BRAF: variants seen among roughly 807,000 people sequenced by gnomAD.
BRAF encodes B-Raf proto-oncogene, serine/threonine kinase, also known as serine/threonine-protein kinase B-raf.
A neutral mutation model predicts 104.6 loss-of-function variants in BRAF; 16 were observed. That is an observed-to-expected ratio of 0.15 (90% CI 0.10 to 0.23). The LOEUF (loss-of-function observed/expected upper bound fraction) is 0.23, where lower values mean the gene tolerates loss of function less well. Ranked by LOEUF, BRAF falls within the 10% of genes least tolerant of loss-of-function variation. The probability of loss-of-function intolerance (pLI) is 1.00; values close to 1 mark genes in which losing one functional copy is unlikely to be tolerated. For missense variants in BRAF, 541 were observed against 937.3 expected (o/e 0.58, Z 5.52); for synonymous variants, 310 against 341.6 (o/e 0.91, Z 1.02).
intron 11 of BRAF, 50 bp from the exon 11 acceptor site, chr7:140,781,743 A>T (rs1392319313): frequency 6.8e-7 from 1 of 1,462,068 alleles, no homozygotes; most frequent in Non-Finnish European, 9.6e-7. Context: ...GAAAAAGAAA[A>T]CCTTATGTTT....
chr7:140,787,998 A>G (rs1195963563), intron 8 of BRAF, among the ~76,000 whole-genome samples: 1 of 152,170 alleles, frequency 6.6e-6, no homozygotes, highest in Non-Finnish European at 1.5e-5. Context: ...TGGATGGTAA[A>G]AGGAGGAAGA....
chr7:140,833,003 A>G (rs528833131), intron 3 of BRAF, among the ~76,000 whole-genome samples: 1 of 151,478 alleles, frequency 6.6e-6, no homozygotes, highest in East Asian at 2.0e-4. Flanking sequence ...CCTCCAAATT[A>G]GCTGGGACTA....
intron 14 of BRAF, among the ~76,000 whole-genome samples, chr7:140,768,772 CA>C (rs1799569186): frequency 6.6e-6 from 1 of 152,110 alleles, no homozygotes; most frequent in Non-Finnish European, 1.5e-5. Context: ...GCTAGTAGTA[CA>C]GGCATGAGCC....
chr7:140,734,944 A>G (rs1796289874), intron 18 of BRAF, among the ~76,000 whole-genome samples, 174 bp from the exon 18 acceptor site: 1 of 152,156 alleles, frequency 6.6e-6, no homozygotes. Flanking sequence ...CAGCATTGTC[A>G]TAAATGCTTG....
intron 1 of BRAF, among the ~76,000 whole-genome samples, chr7:140,857,414 C>A (rs1339360295): frequency 6.6e-6 from 1 of 152,122 alleles, no homozygotes; most frequent in Non-Finnish European, 1.5e-5. Context: ...GGATTTCCGA[C>A]CTCCAGAAAT....
chr7:140,807,910 TA>T (rs751924830), intron 5 of BRAF, 49 bp downstream of exon 5: 1 of 1,456,516 alleles, frequency 6.9e-7, no homozygotes, highest in Non-Finnish European at 9.6e-7. Flanking sequence ...ATTCATTCAT[TA>T]AAATCTAAAC....
At chr7:140,879,222 G>A (rs2129101618) in intron 1 of BRAF, among the ~76,000 whole-genome samples, 1 of 150,942 alleles carries the variant, frequency 6.6e-6, no homozygotes, top group African/African-American at 2.4e-5. Flanking sequence ...TTGCTCTGTT[G>A]CCAGGCTGGA....
chr7:140,909,175 C>T (rs1452316540), intron 1 of BRAF, among the ~76,000 whole-genome samples: 1 of 152,116 alleles, frequency 6.6e-6, no homozygotes, highest in African/African-American at 2.4e-5. Flanking sequence ...CCTGTAATCC[C>T]AGCACTTTGG....
At chr7:140,911,471 G>A (rs1029748450) in intron 1 of BRAF, among the ~76,000 whole-genome samples, 1 of 152,168 alleles carries the variant, frequency 6.6e-6, no homozygotes, top group African/African-American at 2.4e-5. Flanking sequence ...GATATAGTGA[G>A]TAAAACAAGG....
chr7:140,717,354 C>T (rs1795153175), downstream of BRAF, among the ~76,000 whole-genome samples: 1 of 151,938 alleles, frequency 6.6e-6, no homozygotes, highest in Non-Finnish European at 1.5e-5. Context: ...AATCACAGCT[C>T]ACTGCAGCCT....
chr7:140,833,990 T>C (rs565259851), intron 3 of BRAF: 2 of 152,372 alleles, frequency 1.3e-5, no homozygotes, highest in Admixed American at 6.5e-5. Context: ...GGAATTTTTA[T>C]TGTCAAAAGT....
At chr7:140,919,318 T>C (rs1216882818) in intron 1 of BRAF, among the ~76,000 whole-genome samples, 3 of 152,156 alleles carry the variant, frequency 2.0e-5, no homozygotes, top group African/African-American at 7.2e-5. Context: ...TATCCGATGT[T>C]ACAGAGCTTC....
Position 140,720,357 on chromosome 7 carries a change from AG to A in BRAF, c.*6136del. 11 of 1,062,538 alleles carry A rather than the reference AG, an allele frequency of 1.0e-5. No individual in the cohort carries two copies. Among genetic ancestry groups the A allele is most frequent in the Non-Finnish European group, 1.3e-5 (11 of 877,560 alleles). 65.8% of individuals were successfully genotyped at this position (1,062,538 alleles called of 1,614,324 possible). A position where few individuals can be genotyped will look rare whatever the true frequency, so the allele number is the denominator to read the frequency against. On this transcript the variant is annotated 3_prime_UTR_variant, in exon 20 of 20. Coordinates refer to ENST00000644969, the MANE Select transcript of BRAF (RefSeq NM_001374258.1). The stretch of plus-strand genomic sequence containing the variant: ...GGATGCATTTTAAAATGAAGGCAGG[AG>A]AAGGGGACAGCACAGAGACATACAC...
Position 140,720,675 on chromosome 7 carries a change from T to A in BRAF, c.*5819A>T, listed in dbSNP as rs1057022377. Reference sequence around the variant, plus strand: ...CTAGATTTACTGCCACCTCACCCCATTTTGGTCTCTGTTCTCTACATCTGT... The same window carrying A: ...CTAGATTTACTGCCACCTCACCCCAATTTGGTCTCTGTTCTCTACATCTGT... On this transcript the variant is annotated 3_prime_UTR_variant, in exon 20 of 20. Coordinates refer to ENST00000644969, the MANE Select transcript of BRAF (RefSeq NM_001374258.1). The A allele has an allele frequency of 4.0e-5, 43 of 1,065,540 alleles. No homozygotes were observed. The highest frequency in any genetic ancestry group is 4.5e-5 in the Non-Finnish European group (40 of 879,510). The allele number at this position is 1,065,540 out of a possible 1,614,324, so 66.0% of individuals were successfully genotyped here. A position where few individuals can be genotyped will look rare whatever the true frequency, so the allele number is the denominator to read the frequency against.
At chr7:140,841,432 T>G (rs1018889563) in intron 2 of BRAF, among the ~76,000 whole-genome samples, 2 of 152,178 alleles carry the variant, frequency 1.3e-5, no homozygotes, top group Non-Finnish European at 2.9e-5. Context: ...CACAAAAACT[T>G]GCACGTGAAT....
rs139888350 is a variant in BRAF at position 140,901,628 on chromosome 7, A to G, written c.138+22938T>C. On this transcript the variant is annotated intron_variant, in intron 1 of 19. Transcript: ENST00000644969. ...TAACATACTCAGTCTTCCAATCCAC[A>G]CTCAGTACAGGGTATGTACCATTTA... Among the ~76,000 whole-genome samples the G allele has an allele frequency of 3.6e-3, 551 of 152,246 alleles. 5 individuals are homozygous for G. Among genetic ancestry groups the G allele is most frequent in the African/African-American group, 0.013 (522 of 41,544 alleles).
chr7:140,770,949 C>A (rs202081702), intron 14 of BRAF, among the ~76,000 whole-genome samples: 347 of 143,352 alleles, frequency 2.4e-3, no homozygotes, highest in East Asian at 9.8e-3. Context: ...AAAAAAAAAA[C>A]CAAAAAAGAA....
chr7:140,804,581 C>T (rs965869123), intron 5 of BRAF, among the ~76,000 whole-genome samples: 4 of 151,972 alleles, frequency 2.6e-5, no homozygotes, highest in Non-Finnish European at 5.9e-5. Flanking sequence ...CCTTAGCCTC[C>T]CAAAGTGCTG....
At position 140,830,171 on chromosome 7, in the gene BRAF, AG is replaced by A. The variant is rs962387759; in HGVS notation, c.504+4437del. 3.5e-4 allele frequency among the ~76,000 whole-genome samples: 53 copies of A among 152,112 alleles called. 1 individual carries two copies. Among genetic ancestry groups the A allele is most frequent in the African/African-American group, 1.1e-3 (46 of 41,412 alleles). On this transcript the variant is annotated intron_variant, in intron 3 of 19. Coordinates refer to ENST00000644969, the MANE Select transcript of BRAF (RefSeq NM_001374258.1). ...GGCTTCAAGAATGAAGTACATCCTG[AG>A]CTATAATATTTTTACATCTTCTAGT...
Sources: gnomAD v4.1 joint callset for allele counts (sites outside exome capture counted in the v4.1 genomes callset) on GRCh38, gnomAD v4.1.1 for gene constraint, MANE v1.5 for transcripts, NCBI Gene and HGNC (gene_info 2026-07-23, HGNC 2026-07-21) for gene names.